Variants in PDE8B observed in about 807,000 individuals in gnomAD.
PDE8B encodes phosphodiesterase 8B, also known as high affinity cAMP-specific and IBMX-insensitive 3',5'-cyclic phosphodiesterase 8B.
Under a neutral mutation model 101.3 loss-of-function variants are expected in PDE8B, and 26 were observed. The ratio of observed to expected loss-of-function variants is 0.26; its 90% confidence interval spans 0.19 to 0.36. The LOEUF is 0.36. Among genes scored for constraint, PDE8B ranks in the 10% least tolerant of loss-of-function variants. The pLI is 1.00. For synonymous variants in PDE8B, 424 were observed against 429.3 expected (o/e 0.99, Z 0.15); for missense variants, 810 against 1,163.1 (o/e 0.70, Z 4.42).
chr5:77,413,812 GAA>G (rs1795008134), intron 17 of PDE8B, among the ~76,000 whole-genome samples: 1 of 152,106 alleles, frequency 6.6e-6, no homozygotes, highest in African/African-American at 2.4e-5. Context: ...GCATAATTCT[GAA>G]AGAGTTCCAT....
chr5:77,378,313 G>T (rs1786703853), intron 10 of PDE8B, among the ~76,000 whole-genome samples: 1 of 151,822 alleles, frequency 6.6e-6, no homozygotes. Context: ...ACAAAAATCA[G>T]CTGGGTGTGG....
the PDE8B span, among the ~76,000 whole-genome samples, chr5:77,109,927 GTTTTTTTT>G: frequency 5.9e-5 from 4 of 67,234 alleles, no homozygotes; most frequent in Non-Finnish European, 7.9e-5. Flanking sequence ...TTGTATTTCA[GTTTTTTTT>G]TTTTTTTTTT....
intron 1 of PDE8B, among the ~76,000 whole-genome samples, chr5:77,302,084 A>G (rs1412520302): frequency 6.6e-6 from 1 of 152,128 alleles, no homozygotes. Context: ...ACTATGTTGT[A>G]TAAATAATTT....
chr5:77,322,249 T>C (rs571386914), intron 2 of PDE8B, among the ~76,000 whole-genome samples: 2 of 152,232 alleles, frequency 1.3e-5, no homozygotes, highest in South Asian at 4.2e-4. Context: ...GATTTGCATA[T>C]GAAGGGCATG....
intron 1 of PDE8B, among the ~76,000 whole-genome samples, chr5:77,268,141 G>A (rs1403062498): frequency 1.3e-5 from 2 of 151,980 alleles, no homozygotes; most frequent in Non-Finnish European, 2.9e-5. Flanking sequence ...CACTAAAATA[G>A]CTTCATTTGT....
At chr5:77,236,157 G>T (rs1186343805) in intron 1 of PDE8B, among the ~76,000 whole-genome samples, 1 of 152,252 alleles carries the variant, frequency 6.6e-6, no homozygotes, top group Admixed American at 6.5e-5. Flanking sequence ...ACCCCAGACA[G>T]TGGGAGGTCC....
Position 77,211,308 on chromosome 5 carries a change from C to T in PDE8B, c.339+44C>T. ...CACACGCCGTGGGGGCCGTCCGCCCCGTCGGCGGGGCTCGCACGGGTAGGG... is the reference window on the plus strand; with the variant it reads ...CACACGCCGTGGGGGCCGTCCGCCCTGTCGGCGGGGCTCGCACGGGTAGGG... On this transcript the variant is annotated intron_variant, in intron 1 of 21. Coordinates refer to ENST00000264917, the MANE Select transcript of PDE8B (RefSeq NM_003719.5). This position sits in a 1 kb window ranked among gnomAD's most constrained non-coding sequence, Gnocchi z 4.1. The T allele has an allele frequency of 4.0e-6, 6 of 1,511,190 alleles. No individual in the cohort carries two copies. The highest frequency in any genetic ancestry group is 4.4e-6 in the Non-Finnish European group (5 of 1,135,138). The allele number at this position is 1,511,190 out of a possible 1,614,324, so 93.6% of individuals were successfully genotyped here.
At chr5:77,106,239 C>G in the PDE8B span, 1 of 152,038 alleles carries the variant, frequency 6.6e-6, no homozygotes, top group African/African-American at 2.4e-5. Flanking sequence ...AAATATTTGC[C>G]TACACTAAAG....
At chr5:77,359,849 G>C (rs546871221) in intron 10 of PDE8B, among the ~76,000 whole-genome samples, 4 of 152,238 alleles carry the variant, frequency 2.6e-5, no homozygotes, top group Admixed American at 6.5e-5. Context: ...TATAATCCCA[G>C]CACTTAGGGA....
chr5:77,285,143 T>C (rs1339553709), intron 1 of PDE8B, among the ~76,000 whole-genome samples: 1 of 152,200 alleles, frequency 6.6e-6, no homozygotes, highest in Non-Finnish European at 1.5e-5. Context: ...TGTAATGTAG[T>C]CCAAGAAATC....
chr5:77,138,212 G>C, the PDE8B span, among the ~76,000 whole-genome samples: 1 of 152,012 alleles, frequency 6.6e-6, no homozygotes, highest in Non-Finnish European at 1.5e-5. Flanking sequence ...TGGAGTCCGG[G>C]GGGTGGCTTC....
At chr5:77,409,313 GAGTC>G (rs2151075975) in intron 14 of PDE8B, among the ~76,000 whole-genome samples, 2 of 152,282 alleles carry the variant, frequency 1.3e-5, no homozygotes, top group South Asian at 4.1e-4. Flanking sequence ...TGACTGCAGG[GAGTC>G]ATTGGGCAAC....
chr5:77,253,113 A>T (rs937507289), intron 1 of PDE8B, among the ~76,000 whole-genome samples: 5 of 152,308 alleles, frequency 3.3e-5, no homozygotes, highest in Non-Finnish European at 2.9e-5. Flanking sequence ...CTAGGTAAAC[A>T]TCTGTTTTTA....
upstream of PDE8B, among the ~76,000 whole-genome samples, chr5:77,209,431 A>G (rs934634621): frequency 7.2e-5 from 11 of 152,180 alleles, no homozygotes; most frequent in Admixed American, 1.3e-4. Flanking sequence ...TTAAGCCTCT[A>G]TGTTACTGCC....
chr5:77,087,470 G>T, the PDE8B span: 1 of 152,394 alleles, frequency 6.6e-6, no homozygotes, highest in Non-Finnish European at 1.5e-5. Context: ...CTCAGAGCGC[G>T]GTTTGCATCT....
intron 19 of PDE8B, among the ~76,000 whole-genome samples, chr5:77,420,305 C>T (rs1321304412): frequency 6.6e-6 from 1 of 151,928 alleles, no homozygotes; most frequent in East Asian, 1.9e-4. Context: ...CATACCAGTA[C>T]CTGAAGACTA....
the PDE8B span, among the ~76,000 whole-genome samples, chr5:77,180,284 G>T: frequency 2.6e-5 from 4 of 152,192 alleles, no homozygotes; most frequent in African/African-American, 7.2e-5. Flanking sequence ...GTGAAGGCGC[G>T]GAGGCTCAGG....
chr5:77,225,933 A>G (rs1752302881), intron 1 of PDE8B, among the ~76,000 whole-genome samples: 2 of 144,704 alleles, frequency 1.4e-5, no homozygotes, highest in South Asian at 4.5e-4. Flanking sequence ...CATGATCAAT[A>G]TGAACACTGA....
chr5:77,162,717 A>G, the PDE8B span, among the ~76,000 whole-genome samples: 1 of 152,218 alleles, frequency 6.6e-6, no homozygotes, highest in East Asian at 1.9e-4. Flanking sequence ...GAATGCAGAA[A>G]TAGTGGTATT....
Sources: allele counts gnomAD v4.1 joint callset (sites outside exome capture counted in the v4.1 genomes callset), GRCh38; gene constraint gnomAD v4.1.1; non-coding constraint Gnocchi (gnomAD v3.1); transcripts MANE v1.5; gene names NCBI Gene and HGNC (gene_info 2026-07-23, HGNC 2026-07-21).